The following OR3A2 variants were observed in gnomAD, a reference collection of about 807,000 sequenced individuals.
OR3A2 encodes olfactory receptor 3A2.
For synonymous variants in OR3A2, 126 were observed against 159.3 expected, an observed-to-expected ratio of 0.79 and a Z score of 1.57; for missense variants, 318 against 392.8, an observed-to-expected ratio of 0.81 and a Z score of 1.61.
intron 3 of OR3A2, among the ~76,000 whole-genome samples, chr17:3,316,514 C>A (rs570776108): frequency 1.3e-5 from 2 of 152,210 alleles, no homozygotes; most frequent in Non-Finnish European, 2.9e-5. Flanking sequence ...AGAATTATAA[C>A]AGTAGTATAT....
At chr17:3,372,577 C>G (rs1397667832) in intron 2 of OR3A2, among the ~76,000 whole-genome samples, 1 of 152,114 alleles carries the variant, frequency 6.6e-6, no homozygotes, top group Non-Finnish European at 1.5e-5. Context: ...ATCCCGGCAC[C>G]TCGGGAGGCC....
chr17:3,366,397 A>G (rs977936540), intron 2 of OR3A2, among the ~76,000 whole-genome samples: 4 of 152,180 alleles, frequency 2.6e-5, no homozygotes, highest in Non-Finnish European at 5.9e-5. Context: ...TTTAGTTGCA[A>G]TTTTAAAAAG....
chr17:3,336,566 T>C lies in OR3A2; in HGVS notation c.-178-440A>G, dbSNP rs2049275835. Among the ~76,000 whole-genome samples the C allele has an allele frequency of 3.3e-5, 5 of 152,190 alleles. No homozygotes were observed. The South Asian group carries it at 1.0e-3, about 32-fold the overall frequency. On this transcript the variant is annotated intron_variant, in intron 2 of 4. Transcript: ENST00000573491. Reference sequence around the variant, plus strand: ...GTGTAACTACTAAATCCATTAATGGTAGCCAACCAAGAGAGATGTGCAATT... The same window carrying C: ...GTGTAACTACTAAATCCATTAATGGCAGCCAACCAAGAGAGATGTGCAATT...
chr17:3,385,594 T>A (rs1488484597), intron 1 of OR3A2, among the ~76,000 whole-genome samples: 1 of 152,136 alleles, frequency 6.6e-6, no homozygotes, highest in African/African-American at 2.4e-5. Flanking sequence ...CCACTAATAT[T>A]TTCCTCATTA....
chr17:3,366,228 T>C (rs2049561997), intron 2 of OR3A2, among the ~76,000 whole-genome samples: 1 of 152,178 alleles, frequency 6.6e-6, no homozygotes, highest in Non-Finnish European at 1.5e-5. Context: ...CGTTGAAGAA[T>C]GGACATAGAG....
chr17:3,349,303 C>T (rs1385464445), intron 2 of OR3A2, among the ~76,000 whole-genome samples: 1 of 152,126 alleles, frequency 6.6e-6, no homozygotes, highest in African/African-American at 2.4e-5. Context: ...CGGGCAGAGA[C>T]ACACATAGAC....
chr17:3,329,297 T>A (rs953016292), intron 3 of OR3A2, among the ~76,000 whole-genome samples: 1 of 150,420 alleles, frequency 6.6e-6, no homozygotes, highest in African/African-American at 2.5e-5. Context: ...TACCTGTTCC[T>A]CCTTGTACCT....
chr17:3,323,712 T>G (rs892822342), intron 3 of OR3A2, among the ~76,000 whole-genome samples: 5 of 152,146 alleles, frequency 3.3e-5, no homozygotes, highest in Non-Finnish European at 5.9e-5. Context: ...TTGTAGAGTT[T>G]CTGCTGAGAG....
intron 3 of OR3A2, among the ~76,000 whole-genome samples, chr17:3,327,756 GT>G (rs1166842216): frequency 7.4e-6 from 1 of 134,354 alleles, no homozygotes; most frequent in Non-Finnish European, 1.5e-5. Flanking sequence ...AAGGGATCCA[GT>G]TTCAGCTTTC....
At chr17:3,330,007 T>C (rs372969481) in intron 3 of OR3A2, among the ~76,000 whole-genome samples, 2 of 147,318 alleles carry the variant, frequency 1.4e-5, no homozygotes, top group Non-Finnish European at 3.0e-5. Flanking sequence ...TCAGTTTCCA[T>C]GTAGTTGAGC....
intron 2 of OR3A2, among the ~76,000 whole-genome samples, chr17:3,365,026 A>G (rs1176450608): frequency 6.6e-6 from 1 of 152,234 alleles, no homozygotes; most frequent in Admixed American, 6.5e-5. Context: ...ATGAGAACTA[A>G]GAAATGGTCT....
intron 2 of OR3A2, among the ~76,000 whole-genome samples, chr17:3,349,431 A>C (rs2049399907): frequency 6.6e-6 from 1 of 151,610 alleles, no homozygotes; most frequent in South Asian, 2.1e-4. Context: ...AAAAGAGACA[A>C]AGAAGGCCAT....
chr17:3,343,907 C>T (rs1214019392), intron 2 of OR3A2, among the ~76,000 whole-genome samples: 1 of 152,194 alleles, frequency 6.6e-6, no homozygotes, highest in Non-Finnish European at 1.5e-5. Flanking sequence ...TGCCAACCAA[C>T]ACTTGAAATG....
At chr17:3,319,457 T>C (rs1417965346) in intron 3 of OR3A2, among the ~76,000 whole-genome samples, 3 of 152,126 alleles carry the variant, frequency 2.0e-5, no homozygotes, top group Admixed American at 6.6e-5. Flanking sequence ...ACATGCGCCA[T>C]GTTGGTGTGC....
intron 3 of OR3A2, among the ~76,000 whole-genome samples, chr17:3,316,017 C>T (rs376688911): frequency 4.6e-5 from 7 of 152,278 alleles, no homozygotes; most frequent in East Asian, 3.9e-4. Context: ...CTTTCCATCT[C>T]CTGTCCCTGA....
chr17:3,346,933 G>T (rs1202439736), intron 2 of OR3A2, among the ~76,000 whole-genome samples: 1 of 152,002 alleles, frequency 6.6e-6, no homozygotes, highest in Admixed American at 6.5e-5. Flanking sequence ...TTATCCATTT[G>T]TCTGTTGATG....
intron 2 of OR3A2, among the ~76,000 whole-genome samples, chr17:3,356,395 A>G (rs1374998804): frequency 6.6e-6 from 1 of 151,546 alleles, no homozygotes; most frequent in Middle Eastern, 3.4e-3. Context: ...ACTTCCATTT[A>G]GCATTTCTTG....
chr17:3,310,156 C>T, intron 3 of OR3A2: 1 of 358,648 alleles, frequency 2.8e-6, no homozygotes. Flanking sequence ...TCTTCAACTT[C>T]CTTCCCCTTA....
chr17:3,280,308 G>C (rs370664317), intron 1 of OR3A2, among the ~76,000 whole-genome samples: 32 of 147,846 alleles, frequency 2.2e-4, no homozygotes, highest in African/African-American at 8.1e-4. Flanking sequence ...GTCTTGCTCT[G>C]TCACCCAGGC....
Sources: gnomAD v4.1 joint callset for allele counts (sites outside exome capture counted in the v4.1 genomes callset) on GRCh38, gnomAD v4.1.1 for gene constraint, MANE v1.5 for transcripts, NCBI Gene and HGNC (gene_info 2026-07-23, HGNC 2026-07-21) for gene names.